Variants in HTR1E observed in about 807,000 individuals in gnomAD.
HTR1E encodes the protein 5-HT-1E.
Under a neutral mutation model 3.4 loss-of-function variants are expected in HTR1E, and 3 were observed. That is an observed-to-expected ratio of 0.89 (90% CI 0.41 to 2.31). The LOEUF (loss-of-function observed/expected upper bound fraction) is 2.31. Among genes scored for constraint, HTR1E ranks in the 30% most tolerant of loss-of-function variants. The pLI is 0.05. For synonymous variants in HTR1E, 170 were observed against 182.8 expected, an observed-to-expected ratio of 0.93 and a Z score of 0.56; for missense variants, 392 against 467.0, an observed-to-expected ratio of 0.84 and a Z score of 1.48.
intron 1 of HTR1E, among the ~76,000 whole-genome samples, chr6:86,962,596 G>C (rs142007617): frequency 1.3e-5 from 2 of 152,146 alleles, no homozygotes; most frequent in Non-Finnish European, 2.9e-5. Context: ...CCAACACTTT[G>C]GGAGGCTGAG....
chr6:86,960,758 C>T (rs1010319460), intron 1 of HTR1E, among the ~76,000 whole-genome samples: 1 of 152,178 alleles, frequency 6.6e-6, no homozygotes, highest in Admixed American at 6.5e-5. Context: ...CTCTCTGATT[C>T]TCCTTTAGCC....
chr6:86,989,472 A>G (rs1457409456), intron 1 of HTR1E, among the ~76,000 whole-genome samples: 2 of 152,230 alleles, frequency 1.3e-5, no homozygotes, highest in African/African-American at 4.8e-5. Flanking sequence ...TTAGGAATCA[A>G]ATAACTGGTA....
At chr6:87,013,026 C>G (rs1412952788) in intron 1 of HTR1E, among the ~76,000 whole-genome samples, 3 of 152,140 alleles carry the variant, frequency 2.0e-5, no homozygotes, top group Admixed American at 2.0e-4. Flanking sequence ...GAACCAGATC[C>G]AAAATATAAA....
At chr6:86,954,519 CA>C (rs1026618398) in intron 1 of HTR1E, among the ~76,000 whole-genome samples, 1 of 152,162 alleles carries the variant, frequency 6.6e-6, no homozygotes, top group African/African-American at 2.4e-5. Flanking sequence ...CATCCCAATT[CA>C]TCCACTATTT....
At chr6:86,967,914 T>A (rs11967351) in intron 1 of HTR1E, among the ~76,000 whole-genome samples, 23,533 of 151,506 alleles carry the variant, frequency 0.16, 2,108 homozygotes, top group East Asian at 0.29. Context: ...GAGGGGAGAG[T>A]TTTTTTGGAT....
chr6:86,945,406 T>C (rs1300922048), intron 1 of HTR1E, among the ~76,000 whole-genome samples: 3 of 152,082 alleles, frequency 2.0e-5, no homozygotes, highest in Non-Finnish European at 2.9e-5. Flanking sequence ...CATGCCCAGC[T>C]AATTTTTTGA....
At chr6:86,991,154 A>T (rs1274256695) in intron 1 of HTR1E, among the ~76,000 whole-genome samples, 1 of 152,194 alleles carries the variant, frequency 6.6e-6, no homozygotes, top group Non-Finnish European at 1.5e-5. Context: ...GTATTCCTTA[A>T]GACAGTCAGT....
intron 1 of HTR1E, among the ~76,000 whole-genome samples, chr6:86,939,442 A>C (rs1366847070): frequency 6.6e-6 from 1 of 152,226 alleles, no homozygotes; most frequent in Non-Finnish European, 1.5e-5. Context: ...ATAGAACTTA[A>C]CTATTGTGTC....
At chr6:86,960,874 T>C (rs919846701) in intron 1 of HTR1E, among the ~76,000 whole-genome samples, 1 of 152,220 alleles carries the variant, frequency 6.6e-6, no homozygotes, top group Admixed American at 6.5e-5. Context: ...CTTTCAAATA[T>C]CTGCTACTAC....
intron 1 of HTR1E, among the ~76,000 whole-genome samples, chr6:87,007,041 A>C (rs1320491036): frequency 6.6e-6 from 1 of 152,214 alleles, no homozygotes; most frequent in Non-Finnish European, 1.5e-5. Flanking sequence ...TTACCTATGT[A>C]ACAAACCTGC....
At chr6:86,987,725 AT>A (rs1260785308) in intron 1 of HTR1E, among the ~76,000 whole-genome samples, 1 of 152,188 alleles carries the variant, frequency 6.6e-6, no homozygotes. Flanking sequence ...GAGCCTGAGA[AT>A]TCCAAAATCA....
chr6:86,960,110 T>C (rs1180723879), intron 1 of HTR1E, among the ~76,000 whole-genome samples: 5 of 152,170 alleles, frequency 3.3e-5, no homozygotes, highest in African/African-American at 1.2e-4. Flanking sequence ...TTTAACAGAA[T>C]AGTGAAGACT....
intron 1 of HTR1E, among the ~76,000 whole-genome samples, chr6:86,995,774 G>C (rs1201621041): frequency 2.7e-5 from 4 of 147,202 alleles, no homozygotes. Context: ...GAAAGTAAAA[G>C]AGTAGAAAAA....
chr6:86,990,597 T>A (rs544041465), intron 1 of HTR1E, among the ~76,000 whole-genome samples: 1 of 152,144 alleles, frequency 6.6e-6, no homozygotes, highest in South Asian at 2.1e-4. Flanking sequence ...AAGAATAAAA[T>A]AAATAGCCAT....
At chr6:86,942,654 A>G (rs2127815284) in intron 1 of HTR1E, among the ~76,000 whole-genome samples, 1 of 152,370 alleles carries the variant, frequency 6.6e-6, no homozygotes, top group Admixed American at 6.5e-5. Context: ...TAGCAAATAC[A>G]TCATTTACAA....
At chr6:86,968,601 T>C (rs961284012) in intron 1 of HTR1E, among the ~76,000 whole-genome samples, 8 of 152,240 alleles carry the variant, frequency 5.3e-5, no homozygotes, top group African/African-American at 1.9e-4. Flanking sequence ...ACAAAAACAT[T>C]AGTGGTTCCT....
chr6:86,982,389 T>C (rs544921705), intron 1 of HTR1E, among the ~76,000 whole-genome samples: 1 of 152,326 alleles, frequency 6.6e-6, no homozygotes, highest in East Asian at 1.9e-4. Context: ...TTAGGTTGGG[T>C]TTCTTGGAAA....
intron 1 of HTR1E, among the ~76,000 whole-genome samples, chr6:86,975,789 G>C (rs1014332522): frequency 6.6e-6 from 1 of 152,056 alleles, no homozygotes; most frequent in East Asian, 1.9e-4. Flanking sequence ...ATGGAAAAGT[G>C]ATTCCTTTCC....
intron 1 of HTR1E, among the ~76,000 whole-genome samples, chr6:86,958,497 T>G (rs1196387741): frequency 6.6e-6 from 1 of 152,176 alleles, no homozygotes; most frequent in East Asian, 1.9e-4. Context: ...AAGTATCTGT[T>G]GGCCTCTGTT....
Sources: allele counts gnomAD v4.1 joint callset (sites outside exome capture counted in the v4.1 genomes callset), GRCh38; gene constraint gnomAD v4.1.1; transcripts MANE v1.5; gene names NCBI Gene and HGNC (gene_info 2026-07-23, HGNC 2026-07-21).